The following RFTN1 variants were observed in gnomAD, a reference collection of about 807,000 sequenced individuals.
RFTN1 encodes the protein raftlin.
In RFTN1, 26 loss-of-function variants were observed where a neutral mutation model predicts 46.5. The observed-to-expected ratio is 0.56, with a 90% CI of 0.41 to 0.78. RFTN1 has a LOEUF of 0.78. Among genes scored for constraint, RFTN1 ranks in the 30% least tolerant of loss-of-function variants. The probability of loss-of-function intolerance (pLI) is 0.00; values close to 1 mark genes in which losing one functional copy is unlikely to be tolerated. For synonymous variants in RFTN1, 261 were observed against 284.2 expected (o/e 0.92, Z 0.82); for missense variants, 693 against 718.7 (o/e 0.96, Z 0.41).
intron 3 of RFTN1, among the ~76,000 whole-genome samples, chr3:16,423,628 A>T (rs1053992508): frequency 6.6e-6 from 1 of 152,234 alleles, no homozygotes; most frequent in South Asian, 2.1e-4. Flanking sequence ...GACTCCAGCC[A>T]GCCACAGCAG....
intron 4 of RFTN1, among the ~76,000 whole-genome samples, chr3:16,394,295 T>G (rs765382119): frequency 2.6e-5 from 4 of 152,156 alleles, no homozygotes; most frequent in Non-Finnish European, 5.9e-5. Flanking sequence ...GAGGATGGCT[T>G]GAGCTCAGGG....
chr3:16,412,973 A>G (rs7635311), intron 3 of RFTN1, among the ~76,000 whole-genome samples: 72,335 of 152,094 alleles, frequency 0.48, 17,247 homozygotes, highest in East Asian at 0.59. Flanking sequence ...CTGAGCCAAC[A>G]CTGATATTAC....
In RFTN1 at chr3:16,499,246, T is replaced by G. The variant is rs1007243540; in HGVS notation, c.-8-5369A>C. Among the ~76,000 whole-genome samples, 7 of 152,274 alleles carry G rather than the reference T, an allele frequency of 4.6e-5. No homozygotes were observed. The highest frequency in any genetic ancestry group is 2.1e-4 in the South Asian group (1 of 4,820). ...ACTGACATTCCTCCTATTGAGCCTATTGAGAGGTGAGGTCTATGTCAATTA... is the reference window on the plus strand; with the variant it reads ...ACTGACATTCCTCCTATTGAGCCTAGTGAGAGGTGAGGTCTATGTCAATTA... On this transcript the variant is annotated intron_variant, in intron 1 of 9. Transcript: ENST00000334133. The surrounding 1 kb of genome is among the most constrained non-coding windows in gnomAD (Gnocchi z 4.9).
At chr3:16,340,954 AAACAATAAGAC>A (rs2125287993) in intron 7 of RFTN1, among the ~76,000 whole-genome samples, 1 of 152,358 alleles carries the variant, frequency 6.6e-6, no homozygotes, top group Admixed American at 6.5e-5. Context: ...TCATAAGACT[AAACAATAAGAC>A]AACAAACAAC....
rs1459460275 is a variant in RFTN1 at position 16,381,145 on chromosome 3, A to G, written c.442-3043T>C. Among the ~76,000 whole-genome samples the G allele has an allele frequency of 6.6e-6, 1 of 152,240 alleles. No homozygotes were observed. Among genetic ancestry groups the G allele is most frequent in the East Asian group, 1.9e-4 (1 of 5,202 alleles). On this transcript the variant is annotated intron_variant, in intron 4 of 9. Transcript: ENST00000334133. This position sits in a 1 kb window ranked among gnomAD's most constrained non-coding sequence, Gnocchi z 4.2. ...ATGACATATAAAAAGTCAAGATTCT[A>G]AACTTCATACACTTTATTATGACAA...
chr3:16,414,091 C>T (rs576426203), intron 3 of RFTN1, among the ~76,000 whole-genome samples: 92 of 152,280 alleles, frequency 6.0e-4, no homozygotes, highest in African/African-American at 2.0e-3. Flanking sequence ...CTTCCTAGCA[C>T]TTTTCACAGT....
chr3:16,330,101 A>G (rs2070160186), intron 7 of RFTN1, among the ~76,000 whole-genome samples: 1 of 152,236 alleles, frequency 6.6e-6, no homozygotes, highest in Non-Finnish European at 1.5e-5. Context: ...GAGGGTACAG[A>G]ATCATAAAGG....
chr3:16,316,967 C>T lies in RFTN1; in HGVS notation c.1598G>A (p.Gly533Asp), dbSNP rs558609173. The T allele has an allele frequency of 6.2e-7, 1 of 1,613,924 alleles. No homozygotes were observed. The highest frequency in any genetic ancestry group is 1.3e-5 in the African/African-American group (1 of 74,890). ...GGLLCGVGVEGEAVQNGPASH... is the reference protein window; with the variant it reads ...GGLLCGVGVEDEAVQNGPASH... ...GGCAGGACCATTCTGCACAGCCTCA[C>T]CCTCCACACCCACCCCACACAGCAG... Residue 533 changes from glycine (G) to aspartate (D), a missense_variant, in exon 10 of 10, where the codon GGT becomes GAT. Coordinates refer to ENST00000334133, the MANE Select transcript of RFTN1 (RefSeq NM_015150.2). This position sits in a 1 kb window ranked among gnomAD's most constrained non-coding sequence, Gnocchi z 4.5.
intron 7 of RFTN1, among the ~76,000 whole-genome samples, chr3:16,340,441 A>C (rs898189253): frequency 3.3e-5 from 5 of 152,250 alleles, no homozygotes; most frequent in African/African-American, 1.2e-4. Flanking sequence ...TTCAGCTACC[A>C]GCTGACATAT....
rs1338043154 is a variant in RFTN1, at chr3:16,465,208, G to T, written c.145+28517C>A. Among the ~76,000 whole-genome samples, 1 of 150,010 alleles carries T rather than the reference G, an allele frequency of 6.7e-6. No homozygotes were observed. Among genetic ancestry groups the T allele is most frequent in the Non-Finnish European group, 1.5e-5 (1 of 67,506 alleles). ...TAATGGAAGGCAACTATTCAAGGAT[G>T]CCACTTCAAGGTAAAAAAAAAAAAA... On this transcript the variant is annotated intron_variant, in intron 2 of 9. Coordinates refer to ENST00000334133, the MANE Select transcript of RFTN1 (RefSeq NM_015150.2). This position sits in a 1 kb window ranked among gnomAD's most constrained non-coding sequence, Gnocchi z 5.1.
chr3:16,485,416 T>C (rs185560857), intron 2 of RFTN1, among the ~76,000 whole-genome samples: 1 of 149,610 alleles, frequency 6.7e-6, no homozygotes, highest in Non-Finnish European at 1.5e-5. Context: ...GGACTCCATA[T>C]ATACAACAAC....
At chr3:16,414,778 G>A (rs925334297) in intron 3 of RFTN1, among the ~76,000 whole-genome samples, 3 of 152,086 alleles carry the variant, frequency 2.0e-5, no homozygotes, top group Non-Finnish European at 4.4e-5. Context: ...GGCTCATCCA[G>A]GGCATGAGCT....
chr3:16,317,361 A>G lies in RFTN1; in HGVS notation c.1333-129T>C. Reference sequence around the variant, plus strand: ...ATACAATTCCCAGCATCCCCCAGCCAGGCAGTACAGGCACCAAACTTGAAT... The same window carrying G: ...ATACAATTCCCAGCATCCCCCAGCCGGGCAGTACAGGCACCAAACTTGAAT... On this transcript the variant is annotated intron_variant, in intron 9 of 9. Coordinates refer to ENST00000334133, the MANE Select transcript of RFTN1 (RefSeq NM_015150.2). This position sits in a 1 kb window ranked among gnomAD's most constrained non-coding sequence, Gnocchi z 4.3. 1 of 918,208 alleles carries G rather than the reference A, an allele frequency of 1.1e-6. No homozygotes were observed. The highest frequency in any genetic ancestry group is 1.6e-6 in the Non-Finnish European group (1 of 609,644). 56.9% of individuals were successfully genotyped at this position (918,208 alleles called of 1,614,324 possible).
At chr3:16,496,666 G>C (rs2076630993) in intron 1 of RFTN1, among the ~76,000 whole-genome samples, 1 of 152,180 alleles carries the variant, frequency 6.6e-6, no homozygotes, top group Admixed American at 6.5e-5. Context: ...TTGGAAAACT[G>C]ACAATATGTT....
Position 16,344,375 on chromosome 3 carries a change from A to G in RFTN1, c.1146+13557T>C, listed in dbSNP as rs908941562. On this transcript the variant is annotated intron_variant, in intron 7 of 9. Transcript: ENST00000334133. The surrounding 1 kb of genome is among the most constrained non-coding windows in gnomAD (Gnocchi z 4.4). ...AGGATGCTTCCTATAGGCATCAACTATAATCTAATTTAGAAACAACATGTA... is the reference window on the plus strand; with the variant it reads ...AGGATGCTTCCTATAGGCATCAACTGTAATCTAATTTAGAAACAACATGTA... 1.3e-5 allele frequency among the ~76,000 whole-genome samples: 2 copies of G among 151,974 alleles called. No individual in the cohort carries two copies. Among genetic ancestry groups the G allele is most frequent in the Non-Finnish European group, 2.9e-5 (2 of 68,006 alleles).
rs545002483 is a variant in RFTN1, at chr3:16,350,865, A to G, written c.1146+7067T>C. ...ATCTTGGAGAAACTGTGGCAATAGA[A>G]GAAAAAAGCCAGATGGTTTAAAAAG... is the stretch of plus-strand genomic sequence containing the variant. On this transcript the variant is annotated intron_variant, in intron 7 of 9. Coordinates refer to ENST00000334133, the MANE Select transcript of RFTN1 (RefSeq NM_015150.2). Among the ~76,000 whole-genome samples, 31 of 152,362 alleles carry G rather than the reference A, an allele frequency of 2.0e-4. 2 individuals carry two copies. In the East Asian group the frequency reaches 6.0e-3, roughly 29 times the overall value.
In RFTN1 at chr3:16,380,677, G is replaced by A. The variant is rs567210710; in HGVS notation, c.442-2575C>T. ...AGACCTACTGAGTCAGAAACTCTGA[G>A]GGTGAGATCCAGCAATCTGTGTCTT... is the stretch of plus-strand genomic sequence containing the variant. On this transcript the variant is annotated intron_variant, in intron 4 of 9. Coordinates refer to ENST00000334133, the MANE Select transcript of RFTN1 (RefSeq NM_015150.2). This position sits in a 1 kb window ranked among gnomAD's most constrained non-coding sequence, Gnocchi z 4.8. Among the ~76,000 whole-genome samples, 2 of 152,316 alleles carry A rather than the reference G, an allele frequency of 1.3e-5. No individual in the cohort carries two copies. Among genetic ancestry groups the A allele is most frequent in the East Asian group, 3.9e-4 (2 of 5,176 alleles).
rs754232415 is a variant in RFTN1 at position 16,377,875 on chromosome 3, G to A, written c.669C>T (p.Pro223=). ...GCACCTCCCCTCTGGGGCCTGAGCT[G>A]GGCTCTGGGCTTTGGTTTCTCCCAG... ...APAGRNQSPE[P]SSGPRGEVPL... Residue 223 remains proline (P), a synonymous_variant, in exon 5 of 10, where the codon CCC becomes CCT. Coordinates refer to ENST00000334133, the MANE Select transcript of RFTN1 (RefSeq NM_015150.2). 6.2e-7 allele frequency: 1 copy of A among 1,614,058 alleles called. No homozygotes were observed. The highest frequency in any genetic ancestry group is 1.7e-5 in the Admixed American group (1 of 60,004).
intron 2 of RFTN1, among the ~76,000 whole-genome samples, chr3:16,485,555 A>G (rs1266375129): frequency 3.3e-5 from 5 of 152,280 alleles, no homozygotes; most frequent in Non-Finnish European, 7.3e-5. Context: ...CACACACGGT[A>G]TGATTCTATG....
Sources: gnomAD v4.1 joint callset for allele counts (sites outside exome capture counted in the v4.1 genomes callset) on GRCh38, gnomAD v4.1.1 for gene constraint, Gnocchi (gnomAD v3.1) non-coding constraint, MANE v1.5 for transcripts, NCBI Gene and HGNC (gene_info 2026-07-23, HGNC 2026-07-21) for gene names.